Variants in CDHR2 observed in about 807,000 individuals in gnomAD.
The protein encoded by CDHR2 is cadherin related family member 2.
A neutral mutation model predicts 138.6 loss-of-function variants in CDHR2; 104 were observed. The ratio of observed to expected loss-of-function variants is 0.75; its 90% CI spans 0.64 to 0.88. The LOEUF is 0.88. Ranked by LOEUF, CDHR2 falls within the 40% of genes least tolerant of loss-of-function variation. The probability of loss-of-function intolerance (pLI) is 0.00; values close to 1 mark genes in which losing one functional copy is unlikely to be tolerated. For missense variants in CDHR2, 1,624 were observed against 1,727.6 expected (o/e 0.94, Z 1.06); for synonymous variants, 755 against 742.8 (o/e 1.02, Z -0.27).
intron 16 of CDHR2, among the ~76,000 whole-genome samples, chr5:176,580,834 C>T (rs1040532955): frequency 6.6e-6 from 1 of 152,042 alleles, no homozygotes; most frequent in Non-Finnish European, 1.5e-5. Flanking sequence ...CAAGAGAGAT[C>T]GCACCATTGC....
intron 9 of CDHR2, 34 bp downstream of exon 9, chr5:176,575,460 C>A: frequency 6.2e-7 from 1 of 1,614,032 alleles, no homozygotes; most frequent in Non-Finnish European, 8.5e-7. Context: ...TGGGTGGAGG[C>A]GGGAGGCGGG....
chr5:176,589,038 A>G lies in CDHR2; in HGVS notation c.2864A>G (p.Asp955Gly). The G allele has an allele frequency of 6.2e-7, 1 of 1,614,010 alleles. No homozygotes were observed. Among genetic ancestry groups the G allele is most frequent in the Non-Finnish European group, 8.5e-7 (1 of 1,179,962 alleles). ...NREVASVRARDDDSGNNGVIL... is the reference protein window; with the variant it reads ...NREVASVRARGDDSGNNGVIL... ...GTCCACTCTTGCTCCCAGGCCAGAG[A>G]CGATGATTCAGGGAACAATGGCGTC... The change falls in exon 22 of 32, where the codon GAC (aspartate) becomes GGC (glycine). Residue 955 changes from aspartate (D) to glycine (G), a missense_variant. Physicochemically the swap from Asp to Gly is moderately conservative, Grantham distance 94. Coordinates refer to ENST00000261944, the MANE Select transcript of CDHR2 (RefSeq NM_017675.6).
intron 1 of CDHR2, among the ~76,000 whole-genome samples, chr5:176,549,635 G>A (rs914571560): frequency 6.6e-6 from 1 of 152,186 alleles, no homozygotes; most frequent in Non-Finnish European, 1.5e-5. Context: ...TTCCCTGGGG[G>A]CTGATGGCCC....
Position 176,573,608 on chromosome 5 carries a change from C to T in CDHR2, c.406-475C>T, listed in dbSNP as rs1406771169. ...GTTACAGTGAGCCGAGATCGTGCCC[C>T]TTCACTCCAGCCTGGGCGAAAGAGT... On this transcript the variant is annotated intron_variant, in intron 6 of 31. Coordinates refer to ENST00000261944, the MANE Select transcript of CDHR2 (RefSeq NM_017675.6). Among the ~76,000 whole-genome samples, 5 of 151,720 alleles carry T rather than the reference C, an allele frequency of 3.3e-5. No individual in the cohort carries two copies. The East Asian group carries it at 9.7e-4, about 29-fold the overall frequency.
At chr5:176,547,293 T>C (rs186503472), upstream of CDHR2, 1 of 152,314 alleles carries the variant, frequency 6.6e-6, no homozygotes, top group Non-Finnish European at 1.5e-5. Context: ...TTAAAATGGA[T>C]GGATGCTGGA....
intron 17 of CDHR2, among the ~76,000 whole-genome samples, chr5:176,582,849 T>A (rs575417186): frequency 1.4e-4 from 22 of 152,340 alleles, no homozygotes; most frequent in Non-Finnish European, 2.4e-4. Flanking sequence ...GGGTTTTGAC[T>A]TCAATCAGTC....
chr5:176,543,122 C>T lies in CDHR2; in HGVS notation c.-16+353C>T, dbSNP rs916096565. ...TGCCGGGCCCGGGACTGCGAGCTCCCGCCGTGCGGGCGCCGGCAGAGGCCT... is the reference window on the plus strand; with the variant it reads ...TGCCGGGCCCGGGACTGCGAGCTCCTGCCGTGCGGGCGCCGGCAGAGGCCT... On this transcript the variant is annotated intron_variant, in intron 1 of 31. Transcript: ENST00000510636. This position sits in a 1 kb window ranked among gnomAD's most constrained non-coding sequence, Gnocchi z 4.0. Among the ~76,000 whole-genome samples the T allele has an allele frequency of 4.0e-5, 6 of 151,212 alleles. No individual in the cohort carries two copies. The highest frequency in any genetic ancestry group is 1.5e-4 in the African/African-American group (6 of 41,262).
intron 30 of CDHR2, among the ~76,000 whole-genome samples, chr5:176,592,445 T>C (rs2113336719): frequency 6.9e-6 from 1 of 145,022 alleles, no homozygotes; most frequent in South Asian, 2.3e-4. Flanking sequence ...TGATGATGGA[T>C]GATGACGGTG....
intron 6 of CDHR2, among the ~76,000 whole-genome samples, chr5:176,572,103 G>A (rs942417242): frequency 4.6e-5 from 7 of 151,742 alleles, no homozygotes; most frequent in Non-Finnish European, 8.8e-5. Flanking sequence ...GTACAGGCTC[G>A]CCGGGTGCCG....
rs1188104623 is a variant in CDHR2, at chr5:176,584,470, T to C, written c.2189T>C (p.Ile730Thr). The C allele has an allele frequency of 6.2e-7, 1 of 1,610,616 alleles. No individual in the cohort carries two copies. The highest frequency in any genetic ancestry group is 8.5e-7 in the Non-Finnish European group (1 of 1,177,814). ...DADQTEANNR[I>T]SFSLSGSGAN... Reference sequence around the variant, plus strand: ...GACCAGACGGAAGCCAACAACCGCATCAGCTTCAGCCTGTCGGGGAGTGGT... The same window carrying C: ...GACCAGACGGAAGCCAACAACCGCACCAGCTTCAGCCTGTCGGGGAGTGGT... The change falls in exon 19 of 32, where the codon ATC becomes ACC. Residue 730 changes from isoleucine to threonine, a missense_variant. By Grantham distance (89) the Ile-to-Thr change is moderately conservative. This residue lies in a region of CDHR2 where 1,061 missense variants were observed against 1,136.6 expected (regional missense o/e 0.93). Coordinates refer to ENST00000261944, the MANE Select transcript of CDHR2 (RefSeq NM_017675.6).
chr5:176,594,027 G>A (rs1758954441), intron 31 of CDHR2, among the ~76,000 whole-genome samples: 1 of 152,148 alleles, frequency 6.6e-6, no homozygotes, highest in African/African-American at 2.4e-5. Context: ...TGGAGTGCAT[G>A]GCCTGTGGCA....
chr5:176,555,981 G>A (rs1757813166), intron 1 of CDHR2, among the ~76,000 whole-genome samples: 2 of 152,234 alleles, frequency 1.3e-5, no homozygotes, highest in South Asian at 4.1e-4. Flanking sequence ...TCCTTCCTGT[G>A]TCTCATAGGG....
chr5:176,586,862 C>A lies in CDHR2; in HGVS notation c.2856+20C>A. ...GTCCGGGTAAGTTCTTGGCTCCAGC[C>A]TTTGTTGGTCATATGAGCCCCAGGG... On this transcript the variant is annotated intron_variant, in intron 21 of 31. Coordinates refer to ENST00000261944, the MANE Select transcript of CDHR2 (RefSeq NM_017675.6). 6.2e-7 allele frequency: 1 copy of A among 1,602,790 alleles called. No individual in the cohort carries two copies. Among genetic ancestry groups the A allele is most frequent in the Non-Finnish European group, 8.5e-7 (1 of 1,174,078 alleles).
At position 176,543,994 on chromosome 5, in the gene CDHR2, C is replaced by T. The variant is rs1757522348; in HGVS notation, c.-16+1225C>T. 6.6e-6 allele frequency among the ~76,000 whole-genome samples: 1 copy of T among 152,254 alleles called. No homozygotes were observed. The highest frequency in any genetic ancestry group is 2.1e-4 in the South Asian group (1 of 4,834). ...GTCCCGGCGCCGGAGGGTAGCCCCA[C>T]CGTCCCCGCCTCCTGGGCGCATTAG... On this transcript the variant is annotated intron_variant, in intron 1 of 31. Transcript: ENST00000510636. This position sits in a 1 kb window ranked among gnomAD's most constrained non-coding sequence, Gnocchi z 4.0.
chr5:176,579,534 C>G (rs1758478514), intron 16 of CDHR2, among the ~76,000 whole-genome samples: 2 of 152,126 alleles, frequency 1.3e-5, no homozygotes, highest in South Asian at 4.1e-4. Flanking sequence ...TTCTGGTCGG[C>G]TGCTGTAACC....
At position 176,574,178 on chromosome 5, in the gene CDHR2, T is replaced by C. The variant is rs367889229; in HGVS notation, c.495+6T>C. 1 of 1,608,784 alleles carries C rather than the reference T, an allele frequency of 6.2e-7. No homozygotes were observed. Among genetic ancestry groups the C allele is most frequent in the African/African-American group, 1.3e-5 (1 of 74,738 alleles). ...TCGTGTACTCCATAGAGAAGGTGAG[T>C]GTGAAGGGGGCCCTGACCGCCTTTG... On this transcript the variant is annotated splice_donor_region_variant and intron_variant, in intron 7 of 31. Coordinates refer to ENST00000261944, the MANE Select transcript of CDHR2 (RefSeq NM_017675.6).
rs753946454 is a variant in CDHR2, at chr5:176,575,348, C to T, written c.690C>T (p.Ser230=). The stretch of plus-strand genomic sequence containing the variant: ...CCCTGCCTGTCTTCCTGTCCATCTC[C>T]GTGGTGGACCAGCCTGACCTTGACC... The part of the protein sequence containing the change: ...QCSLPVFLSI[S]VVDQPDLDPQ... Residue 230 remains serine (S), a synonymous_variant, in exon 9 of 32, where the codon TCC becomes TCT. Transcript: ENST00000261944. The T allele has an allele frequency of 5.0e-6, 8 of 1,614,128 alleles. No individual in the cohort carries two copies. Among genetic ancestry groups the T allele is most frequent in the South Asian group, 3.3e-5 (3 of 91,088 alleles).
intron 1 of CDHR2, chr5:176,556,791 C>T (rs1343503834): frequency 6.6e-6 from 1 of 152,252 alleles, no homozygotes; most frequent in Non-Finnish European, 1.5e-5. Flanking sequence ...AACTGCTTCA[C>T]TTGACTAGCC....
At chr5:176,577,822 G>A (rs762151535) in intron 14 of CDHR2, 24 bp downstream of exon 14, 20 of 1,612,054 alleles carry the variant, frequency 1.2e-5, no homozygotes, top group Non-Finnish European at 1.7e-5. Context: ...ACACAGTGGG[G>A]CTGTGGGGTC....
Sources: allele counts gnomAD v4.1 joint callset (sites outside exome capture counted in the v4.1 genomes callset), GRCh38; gene constraint gnomAD v4.1.1; regional missense constraint gnomAD v4.1.1; non-coding constraint Gnocchi (gnomAD v3.1); transcripts MANE v1.5; gene names NCBI Gene and HGNC (gene_info 2026-07-23, HGNC 2026-07-21).